Variants in DRC8 observed in about 807,000 individuals in gnomAD.
DRC8 encodes the protein dynein regulatory complex subunit 8.
the DRC8 span, among the ~76,000 whole-genome samples, chr1:245,006,332 G>A: frequency 6.6e-6 from 1 of 152,018 alleles, no homozygotes; most frequent in East Asian, 1.9e-4. Flanking sequence ...TTATTTTTGA[G>A]ACAGAGTCTC....
the DRC8 span, among the ~76,000 whole-genome samples, chr1:245,007,691 C>CA: frequency 1.3e-5 from 2 of 152,040 alleles, no homozygotes; most frequent in Non-Finnish European, 2.9e-5. Context: ...GAGAAGCTGG[C>CA]AAAAAATATG....
the DRC8 span, among the ~76,000 whole-genome samples, chr1:244,971,566 C>A: frequency 2.0e-5 from 3 of 152,216 alleles, no homozygotes; most frequent in Non-Finnish European, 4.4e-5. Context: ...TCCAAAAAGC[C>A]ATGAAACAGT....
the DRC8 span, among the ~76,000 whole-genome samples, chr1:245,106,387 ATAAT>A: frequency 6.6e-6 from 1 of 152,200 alleles, no homozygotes; most frequent in Non-Finnish European, 1.5e-5. Flanking sequence ...ATGATTTAGA[ATAAT>A]TATTTAGATA....
At chr1:245,016,271 G>A in the DRC8 span, among the ~76,000 whole-genome samples, 27 of 152,202 alleles carry the variant, frequency 1.8e-4, no homozygotes, top group Admixed American at 7.2e-4. Context: ...GTGAGCCACC[G>A]CACCTAGCCA....
chr1:244,988,717 C>T, the DRC8 span, among the ~76,000 whole-genome samples: 1 of 152,172 alleles, frequency 6.6e-6, no homozygotes. Flanking sequence ...CTTATTTTCT[C>T]TCAACCAAAT....
the DRC8 span, among the ~76,000 whole-genome samples, chr1:245,011,512 A>T: frequency 6.6e-6 from 1 of 152,246 alleles, no homozygotes; most frequent in East Asian, 1.9e-4. Context: ...TGTTTTGATT[A>T]GAAGGTTACT....
chr1:245,067,088 T>A, the DRC8 span, among the ~76,000 whole-genome samples: 1 of 152,208 alleles, frequency 6.6e-6, no homozygotes, highest in African/African-American at 2.4e-5. Flanking sequence ...AGTCCAAGCC[T>A]TGTCATTTCT....
chr1:244,987,464 C>T, the DRC8 span, among the ~76,000 whole-genome samples: 3 of 152,070 alleles, frequency 2.0e-5, no homozygotes, highest in Non-Finnish European at 2.9e-5. Context: ...CTCAGCCTGC[C>T]AAAGTGCTGG....
At chr1:244,969,938 G>A in the DRC8 span, 4 of 487,800 alleles carry the variant, frequency 8.2e-6, no homozygotes. Flanking sequence ...CACCCCCTTG[G>A]GAGCCCAGCT....
At chr1:245,000,947 C>T in the DRC8 span, among the ~76,000 whole-genome samples, 1 of 151,744 alleles carries the variant, frequency 6.6e-6, no homozygotes, top group Admixed American at 6.6e-5. Context: ...TCAGTGGAGG[C>T]TTGGTGGAGG....
chr1:245,043,721 G>A, the DRC8 span, among the ~76,000 whole-genome samples: 1 of 152,162 alleles, frequency 6.6e-6, no homozygotes, highest in South Asian at 2.1e-4. Flanking sequence ...ACCCGTGCAG[G>A]GACGGCCCCA....
the DRC8 span, among the ~76,000 whole-genome samples, chr1:245,088,759 G>C: frequency 6.6e-6 from 1 of 152,164 alleles, no homozygotes; most frequent in South Asian, 2.1e-4. The surrounding 1 kb of genome is among the most constrained non-coding windows in gnomAD (Gnocchi z 4.6). Flanking sequence ...AAAACGAGTA[G>C]TTTAGTAAGT....
At chr1:245,101,369 G>A in the DRC8 span, among the ~76,000 whole-genome samples, 1 of 152,128 alleles carries the variant, frequency 6.6e-6, no homozygotes, top group African/African-American at 2.4e-5. Flanking sequence ...TTCTCTACTT[G>A]ATAAATTGGC....
At chr1:245,084,237 G>A in the DRC8 span, among the ~76,000 whole-genome samples, 4 of 151,896 alleles carry the variant, frequency 2.6e-5, no homozygotes, top group South Asian at 6.2e-4. Flanking sequence ...ACAGGCCACT[G>A]CGCCCAGCTA....
the DRC8 span, among the ~76,000 whole-genome samples, chr1:245,076,005 C>G: frequency 5.3e-5 from 8 of 151,990 alleles, no homozygotes; most frequent in East Asian, 1.9e-4. Flanking sequence ...AGGCAACAAG[C>G]GGGGAGGGAG....
the DRC8 span, among the ~76,000 whole-genome samples, chr1:245,102,452 C>T: frequency 3.9e-5 from 6 of 152,188 alleles, no homozygotes; most frequent in South Asian, 4.2e-4. Flanking sequence ...TAGGTTCAAG[C>T]GATCCTCCTG....
the DRC8 span, among the ~76,000 whole-genome samples, chr1:245,121,739 C>T: frequency 3.9e-5 from 6 of 152,106 alleles, no homozygotes; most frequent in South Asian, 2.1e-4. Context: ...AAATATCTCC[C>T]GCAGTCCCAG....
chr1:245,052,539 G>A, the DRC8 span, among the ~76,000 whole-genome samples: 4 of 152,236 alleles, frequency 2.6e-5, no homozygotes, highest in Admixed American at 6.5e-5. Flanking sequence ...ACTCTGTGGC[G>A]GGCAGCTTGT....
the DRC8 span, among the ~76,000 whole-genome samples, chr1:245,020,781 G>C: frequency 6.6e-6 from 1 of 150,534 alleles, no homozygotes; most frequent in Non-Finnish European, 1.5e-5. Flanking sequence ...CACCACGCCC[G>C]GCTAATTTTC....
Sources: gnomAD v4.1 joint callset for allele counts (sites outside exome capture counted in the v4.1 genomes callset) on GRCh38, gnomAD v4.1.1 for gene constraint, Gnocchi (gnomAD v3.1) non-coding constraint, MANE v1.5 for transcripts, NCBI Gene and HGNC (gene_info 2026-07-23, HGNC 2026-07-21) for gene names.